AK5: variants seen among roughly 807,000 people sequenced by gnomAD.
AK5 encodes the protein adenylate kinase isoenzyme 5.
Under a neutral mutation model 69.5 loss-of-function variants are expected in AK5, and 27 were observed. The ratio of observed to expected loss-of-function variants is 0.39; its 90% CI spans 0.29 to 0.54. The LOEUF is 0.54. AK5 is among the 20% of genes least tolerant of loss of function. The probability of loss-of-function intolerance (pLI) is 0.71; values close to 1 mark genes in which losing one functional copy is unlikely to be tolerated. For synonymous variants in AK5, 260 were observed against 244.4 expected, an observed-to-expected ratio of 1.06 and a Z score of -0.60; for missense variants, 531 against 700.4, an observed-to-expected ratio of 0.76 and a Z score of 2.73.
At chr1:77,400,096 G>A (rs1419824458) in intron 6 of AK5, among the ~76,000 whole-genome samples, 1 of 152,164 alleles carries the variant, frequency 6.6e-6, no homozygotes, top group Non-Finnish European at 1.5e-5. Flanking sequence ...CCCCAAATGG[G>A]GAAGAAGATA....
intron 12 of AK5, among the ~76,000 whole-genome samples, chr1:77,530,716 T>A (rs1178416709): frequency 6.6e-6 from 1 of 152,144 alleles, no homozygotes; most frequent in Non-Finnish European, 1.5e-5. Flanking sequence ...ATTATCCTCA[T>A]TTTTAAATGA....
intron 8 of AK5, among the ~76,000 whole-genome samples, chr1:77,465,634 G>A (rs139409087): frequency 2.0e-4 from 31 of 152,222 alleles, no homozygotes; most frequent in African/African-American, 7.0e-4. Context: ...TCCTTACACC[G>A]ATGCTTAAAC....
chr1:77,482,011 C>G (rs538109025), intron 8 of AK5, among the ~76,000 whole-genome samples: 2 of 152,094 alleles, frequency 1.3e-5, no homozygotes, highest in Admixed American at 6.5e-5. Flanking sequence ...GAAATTTCTC[C>G]AGGATACATT....
chr1:77,311,566 ACACT>A (rs1323122619), intron 5 of AK5, among the ~76,000 whole-genome samples: 1 of 152,142 alleles, frequency 6.6e-6, no homozygotes, highest in African/African-American at 2.4e-5. Context: ...CTCATGGTAA[ACACT>A]CAATAAAAGA....
chr1:77,549,996 G>T (rs577422598), intron 13 of AK5, among the ~76,000 whole-genome samples: 200 of 151,714 alleles, frequency 1.3e-3, no homozygotes, highest in African/African-American at 4.3e-3. Context: ...TTACCCTGTT[G>T]CCCAGGCTGG....
At chr1:77,331,369 T>C (rs1008510809) in intron 5 of AK5, among the ~76,000 whole-genome samples, 2 of 152,180 alleles carry the variant, frequency 1.3e-5, no homozygotes, top group Non-Finnish European at 2.9e-5. Context: ...ATTTGTTCTT[T>C]ATCACATGAA....
chr1:77,314,247 T>C, intron 5 of AK5: 1 of 246,444 alleles, frequency 4.1e-6, no homozygotes, highest in Non-Finnish European at 8.0e-6. Flanking sequence ...GAGGTGGTAT[T>C]TGAACCAGGC....
intron 7 of AK5, among the ~76,000 whole-genome samples, chr1:77,415,673 T>C (rs778961291): frequency 1.2e-4 from 19 of 152,164 alleles, no homozygotes; most frequent in Non-Finnish European, 1.3e-4. Context: ...TCATCAACCA[T>C]TCACTGTTCC....
At chr1:77,310,102 C>A (rs12061595) in intron 5 of AK5, among the ~76,000 whole-genome samples, 15,383 of 152,032 alleles carry the variant, frequency 0.1, 1,015 homozygotes, top group South Asian at 0.2. Flanking sequence ...TGCACTAATT[C>A]TTTTGTATAG....
At chr1:77,373,067 G>A (rs1013191331) in intron 6 of AK5, among the ~76,000 whole-genome samples, 3 of 152,070 alleles carry the variant, frequency 2.0e-5, no homozygotes, top group African/African-American at 7.2e-5. Context: ...TTGTGTCTAA[G>A]AAGGAAATTT....
At chr1:77,490,014 G>T (rs924634489) in intron 10 of AK5, among the ~76,000 whole-genome samples, 1 of 152,062 alleles carries the variant, frequency 6.6e-6, no homozygotes, top group Non-Finnish European at 1.5e-5. Context: ...CCTCCTCTGC[G>T]CTCCTCCTCC....
chr1:77,292,762 TG>T (rs1257797416), intron 2 of AK5, among the ~76,000 whole-genome samples: 1 of 152,248 alleles, frequency 6.6e-6, no homozygotes, highest in African/African-American at 2.4e-5. Context: ...TTTCATCACC[TG>T]TGCTTGTCTT....
chr1:77,367,599 A>AT (rs756398279), intron 6 of AK5, among the ~76,000 whole-genome samples: 2 of 63,142 alleles, frequency 3.2e-5, no homozygotes, highest in African/African-American at 7.5e-5. Context: ...TTATATATGT[A>AT]ATATATATGT....
intron 8 of AK5, among the ~76,000 whole-genome samples, chr1:77,463,055 A>G (rs1239475397): frequency 1.3e-5 from 2 of 152,226 alleles, no homozygotes; most frequent in Non-Finnish European, 2.9e-5. Context: ...TCTCATAAAC[A>G]TGGATTACTT....
intron 5 of AK5, among the ~76,000 whole-genome samples, chr1:77,335,382 G>T (rs1047882867): frequency 1.7e-4 from 8 of 47,660 alleles, no homozygotes; most frequent in Admixed American, 3.1e-4. Context: ...TCAGTTTTTT[G>T]GGTTTTTTTT....
At chr1:77,468,744 C>T (rs1156442216) in intron 8 of AK5, among the ~76,000 whole-genome samples, 1 of 152,192 alleles carries the variant, frequency 6.6e-6, no homozygotes, top group Admixed American at 6.5e-5. Flanking sequence ...ATGATGTCAC[C>T]ATGTCTTTAA....
At chr1:77,383,314 A>C (rs1359105880) in intron 6 of AK5, among the ~76,000 whole-genome samples, 1 of 152,184 alleles carries the variant, frequency 6.6e-6, no homozygotes, top group Non-Finnish European at 1.5e-5. Flanking sequence ...TATCTATATT[A>C]TTAAGGATTC....
At chr1:77,510,389 CA>C (rs34404890) in intron 10 of AK5, among the ~76,000 whole-genome samples, 25,498 of 151,870 alleles carry the variant, frequency 0.17, 2,387 homozygotes, top group Non-Finnish European at 0.18. Context: ...AGTAATATGA[CA>C]AATATGCAAT....
rs369372295 is a variant in AK5, at chr1:77,367,877, A to ATTAT, written c.891+27309_891+27310insTTAT. ...ATAATATATAATATATGTGATATAT[A>ATTAT]ATATAAAATATATGTGATATATATT... On this transcript the variant is annotated intron_variant, in intron 6 of 13. Coordinates refer to ENST00000354567, the MANE Select transcript of AK5 (RefSeq NM_174858.3). 6.0e-3 allele frequency among the ~76,000 whole-genome samples: 86 copies of ATTAT among 14,242 alleles called. 34 individuals are homozygous for ATTAT. Among genetic ancestry groups the ATTAT allele is most frequent in the South Asian group, 0.015 (4 of 266 alleles). 9.3% of individuals were successfully genotyped at this position (14,242 alleles called of 152,430 possible). A position where few individuals can be genotyped will look rare whatever the true frequency, so the allele number is the denominator to read the frequency against.
Sources: allele counts gnomAD v4.1 joint callset (sites outside exome capture counted in the v4.1 genomes callset), GRCh38; gene constraint gnomAD v4.1.1; transcripts MANE v1.5; gene names NCBI Gene and HGNC (gene_info 2026-07-23, HGNC 2026-07-21).